Variants in L1TD1 observed in about 807,000 individuals in gnomAD.
L1TD1 encodes LINE1 type transposase domain containing 1.
A neutral mutation model predicts 25.7 loss-of-function variants in L1TD1; 26 were observed. That is an observed-to-expected ratio of 1.01 (90% confidence interval 0.74 to 1.40). L1TD1 has a LOEUF of 1.40. Among genes scored for constraint, L1TD1 ranks in the 40% most tolerant of loss-of-function variants. The pLI is 0.00. For synonymous variants in L1TD1, 421 were observed against 335.6 expected, an observed-to-expected ratio of 1.25 and a Z score of -2.78; for missense variants, 1,130 against 975.0, an observed-to-expected ratio of 1.16 and a Z score of -2.12.
Position 62,211,633 on chromosome 1 carries a change from C to G in L1TD1, c.*261C>G, listed in dbSNP as rs987703056. The G allele has an allele frequency of 2.6e-5, 9 of 351,048 alleles. No homozygotes were observed. Among genetic ancestry groups the G allele is most frequent in the Non-Finnish European group, 3.9e-5 (8 of 204,704 alleles). The allele number at this position is 351,048 out of a possible 1,614,324, so 21.7% of individuals were successfully genotyped here. On this transcript the variant is annotated 3_prime_UTR_variant, in exon 4 of 4. Coordinates refer to ENST00000498273, the MANE Select transcript of L1TD1 (RefSeq NM_019079.5). ...TAGAATTCCTTGTTTTACTTCCCCCCCACCACCTCCCTACTGCAGTTGACT... is the reference window on the plus strand; with the variant it reads ...TAGAATTCCTTGTTTTACTTCCCCCGCACCACCTCCCTACTGCAGTTGACT...
Position 62,210,978 on chromosome 1 carries a change from G to A in L1TD1, c.2204G>A (p.Gly735Asp), listed in dbSNP as rs1185845112. 6.5e-7 allele frequency: 1 copy of A among 1,546,530 alleles called. No individual in the cohort carries two copies. The highest frequency in any genetic ancestry group is 8.7e-7 in the Non-Finnish European group (1 of 1,145,818). ...GAAAACTTTGCAGAACTAAAGAAAG[G>A]TTCAAGTCTTGAGATTGTCAGTGCT... ...IDENFAELKK[G>D]SSLEIVSACR... Residue 735 changes from glycine (G) to aspartate (D), a missense_variant, in exon 4 of 4, where the codon GGT (glycine) becomes GAT (aspartate). By Grantham distance (94) the Gly-to-Asp change is moderately conservative. Transcript: ENST00000498273.
rs751577233 is a variant in L1TD1 at position 62,207,133 on chromosome 1, G to A, written c.505G>A (p.Glu169Lys). ...ACCCCAGGGTGAATCACGAAGTTAC[G>A]AAGTCATGGGAAGTATGGAAGAAAC... Reference protein sequence around the residue: ...KLPQGESRSYEVMGSMEETLC... With the variant: ...KLPQGESRSYKVMGSMEETLC... Residue 169 changes from glutamate (E) to lysine (K), a missense_variant, in exon 3 of 4, where the codon GAA becomes AAA. By Grantham distance (56) the Glu-to-Lys change is moderately conservative. Transcript: ENST00000498273. 5.1e-6 allele frequency: 8 copies of A among 1,578,780 alleles called. No individual in the cohort carries two copies. The Admixed American group carries it at 5.6e-5, about 11-fold the overall frequency.
chr1:62,210,303 C>T lies in L1TD1; in HGVS notation c.1529C>T (p.Pro510Leu), dbSNP rs1670838710. ...KKASRRQKEI[P>L]FSYLVGDSGK... ...GCCTCACGTAGACAAAAAGAAATTC[C>T]CTTTAGTTATTTGGTTGGGGACTCT... Residue 510 changes from proline (P) to leucine (L), a missense_variant, in exon 4 of 4, where the codon CCC becomes CTC. By Grantham distance (98) the Pro-to-Leu change is moderately conservative (BLOSUM62 -3). Coordinates refer to ENST00000498273, the MANE Select transcript of L1TD1 (RefSeq NM_019079.5). 2 of 1,613,928 alleles carry T rather than the reference C, an allele frequency of 1.2e-6. No homozygotes were observed. Among genetic ancestry groups the T allele is most frequent in the African/African-American group, 1.3e-5 (1 of 74,886 alleles).
intron 2 of L1TD1, among the ~76,000 whole-genome samples, 177 bp from the exon 3 acceptor site, chr1:62,206,342 A>T (rs965389112): frequency 1.4e-5 from 2 of 146,000 alleles, no homozygotes; most frequent in African/African-American, 5.1e-5. Flanking sequence ...GGGAATTTTC[A>T]TGATAATTTA....
chr1:62,200,502 T>C (rs1670621160), intron 2 of L1TD1, among the ~76,000 whole-genome samples: 1 of 152,056 alleles, frequency 6.6e-6, no homozygotes, highest in Non-Finnish European at 1.5e-5. Flanking sequence ...ATTTTATAAA[T>C]TAATGTATTT....
chr1:62,210,405 A>G lies in L1TD1; in HGVS notation c.1631A>G (p.Gln544Arg). 2 of 1,614,140 alleles carry G rather than the reference A, an allele frequency of 1.2e-6. No homozygotes were observed. The highest frequency in any genetic ancestry group is 1.7e-6 in the Non-Finnish European group (2 of 1,180,030). ...EEEETAVPTSQGTGTPCLTLC... is the reference protein window; with the variant it reads ...EEEETAVPTSRGTGTPCLTLC... ...GAGGAAACAGCTGTGCCCACAAGTC[A>G]AGGAACTGGCACACCCTGTCTGACC... The change falls in exon 4 of 4, where the codon CAA (glutamine) becomes CGA (arginine). Residue 544 changes from glutamine to arginine, a missense_variant. Gln to Arg is a conservative substitution (Grantham distance 43). Coordinates refer to ENST00000498273, the MANE Select transcript of L1TD1 (RefSeq NM_019079.5).
Position 62,202,724 on chromosome 1 carries a change from G to A in L1TD1, c.-110-3795G>A, listed in dbSNP as rs575466818. On this transcript the variant is annotated intron_variant, in intron 2 of 3. Coordinates refer to ENST00000498273, the MANE Select transcript of L1TD1 (RefSeq NM_019079.5). The stretch of plus-strand genomic sequence containing the variant: ...AGAGTCTTGCTCTTTTGCTCTTGTC[G>A]CCCAGGCTGGAGGCAATGGCACGAT... 3.3e-4 allele frequency among the ~76,000 whole-genome samples: 39 copies of A among 119,354 alleles called. No homozygotes were observed. In the East Asian group the frequency reaches 9.0e-3, roughly 28 times the overall value. 78.3% of individuals were successfully genotyped at this position (119,354 alleles called of 152,430 possible). A position where few individuals can be genotyped will look rare whatever the true frequency, so the allele number is the denominator to read the frequency against.
At chr1:62,202,561 TA>T (rs748036588) in intron 2 of L1TD1, among the ~76,000 whole-genome samples, 4,178 of 145,180 alleles carry the variant, frequency 0.029, 95 homozygotes, top group African/African-American at 0.064. Context: ...TTTTTTTTTT[TA>T]GCTGTTCATT....
rs184652731 is a variant in L1TD1 at position 62,199,595 on chromosome 1, G to A, written c.-111+3067G>A. Among the ~76,000 whole-genome samples, 24 of 152,252 alleles carry A rather than the reference G, an allele frequency of 1.6e-4. No individual in the cohort carries two copies. The East Asian group carries it at 4.4e-3, about 28-fold the overall frequency. ...TTTCAGTTTTAAGCCAGGCATGGTG[G>A]TGCGTGCTTGTATTCCCAGCTACTC... On this transcript the variant is annotated intron_variant, in intron 2 of 3. Transcript: ENST00000498273.
In L1TD1 at chr1:62,207,636, G is replaced by C; in HGVS notation, c.1008G>C (p.Arg336Ser). The C allele has an allele frequency of 1.3e-6, 2 of 1,528,220 alleles. No homozygotes were observed. Among genetic ancestry groups the C allele is most frequent in the Non-Finnish European group, 8.8e-7 (1 of 1,138,084 alleles). 94.7% of individuals were successfully genotyped at this position (1,528,220 alleles called of 1,614,324 possible). A position where few individuals can be genotyped will look rare whatever the true frequency, so the allele number is the denominator to read the frequency against. ...GAAAATATGGAATTCAAGAAAAAAGGGTAAGCATACAAATGTATAAATGTA... is the reference window on the plus strand; with the variant it reads ...GAAAATATGGAATTCAAGAAAAAAGCGTAAGCATACAAATGTATAAATGTA... ...GGRKYGIQEK[R>S]DKTLIDSKHR... is the part of the protein sequence containing the mutation. Residue 336 changes from arginine (R) to serine (S), a missense_variant and splice_region_variant, in exon 3 of 4, where the codon AGG becomes AGC. Coordinates refer to ENST00000498273, the MANE Select transcript of L1TD1 (RefSeq NM_019079.5).
chr1:62,211,037 C>CT lies in L1TD1; in HGVS notation c.2264dup (p.Thr756AspfsTer3), dbSNP rs1027240696. 1.2e-5 allele frequency: 19 copies of CT among 1,549,590 alleles called. No homozygotes were observed. Among genetic ancestry groups the CT allele is most frequent in the Non-Finnish European group, 1.6e-5 (18 of 1,146,616 alleles). ...ACCTAGTAAAATTGATGAAAAGAGACTGACTCCTAGACACATCTTGGTGAA... is the reference window on the plus strand; with the variant it reads ...ACCTAGTAAAATTGATGAAAAGAGACTTGACTCCTAGACACATCTTGGTGAA... On this transcript the variant is annotated frameshift_variant, in exon 4 of 4. Coordinates refer to ENST00000498273, the MANE Select transcript of L1TD1 (RefSeq NM_019079.5). LOFTEE classifies it low-confidence loss of function (END_TRUNC).
intron 2 of L1TD1, among the ~76,000 whole-genome samples, chr1:62,198,678 G>C (rs1166183491): frequency 6.6e-6 from 1 of 151,996 alleles, no homozygotes; most frequent in South Asian, 2.1e-4. Context: ...AAAATTAAAG[G>C]AAGTTTATCC....
At chr1:62,196,772 T>C (rs1303455049) in intron 2 of L1TD1, among the ~76,000 whole-genome samples, 1 of 152,048 alleles carries the variant, frequency 6.6e-6, no homozygotes, top group East Asian at 1.9e-4. Flanking sequence ...TTTGTATTTT[T>C]AGTAGAGACG....
intron 3 of L1TD1, among the ~76,000 whole-genome samples, chr1:62,208,812 A>G (rs1002166611): frequency 1.3e-5 from 2 of 152,152 alleles, no homozygotes; most frequent in South Asian, 2.1e-4. Context: ...ATTTTTTTAC[A>G]TGTTTTCAAA....
At position 62,210,339 on chromosome 1, in the gene L1TD1, A is replaced by T. The variant is rs1670839532; in HGVS notation, c.1565A>T (p.Lys522Met). The change falls in exon 4 of 4, where the codon AAG becomes ATG. Residue 522 changes from lysine (K) to methionine (M), a missense_variant. Coordinates refer to ENST00000498273, the MANE Select transcript of L1TD1 (RefSeq NM_019079.5). The part of the protein sequence containing the change: ...SYLVGDSGKK[K>M]LVKHQVVHKT... The stretch of plus-strand genomic sequence containing the variant: ...TTGGTTGGGGACTCTGGGAAGAAAA[A>T]GTTGGTGAAACACCAGGTGGTGCAC... 1 of 1,613,864 alleles carries T rather than the reference A, an allele frequency of 6.2e-7. No homozygotes were observed. The highest frequency in any genetic ancestry group is 8.5e-7 in the Non-Finnish European group (1 of 1,179,982).
Position 62,211,592 on chromosome 1 carries a change from C to G in L1TD1, c.*220C>G. 1 of 598,464 alleles carries G rather than the reference C, an allele frequency of 1.7e-6. No individual in the cohort carries two copies. Among genetic ancestry groups the G allele is most frequent in the Non-Finnish European group, 2.5e-6 (1 of 396,208 alleles). 37.1% of individuals were successfully genotyped at this position (598,464 alleles called of 1,614,324 possible). A position where few individuals can be genotyped will look rare whatever the true frequency, so the allele number is the denominator to read the frequency against. On this transcript the variant is annotated 3_prime_UTR_variant, in exon 4 of 4. Transcript: ENST00000498273. ...AATGTAGTGAGTTATTTCAGTTGATCACAGTCAGTTACAGATAGAATTCCT... is the reference window on the plus strand; with the variant it reads ...AATGTAGTGAGTTATTTCAGTTGATGACAGTCAGTTACAGATAGAATTCCT...
At position 62,211,027 on chromosome 1, in the gene L1TD1, TGAAAA is replaced by T. The variant is rs1454338631; in HGVS notation, c.2256_2260del (p.Lys753ThrfsTer4). On this transcript the variant is annotated frameshift_variant, in exon 4 of 4. Transcript: ENST00000498273. LOFTEE classifies it low-confidence loss of function (END_TRUNC). ...CTTGTCGAGTACCTAGTAAAATTGA[TGAAAA>T]GAGACTGACTCCTAGACACATCTTG... 1.9e-6 allele frequency: 3 copies of T among 1,547,300 alleles called. No homozygotes were observed. Among genetic ancestry groups the T allele is most frequent in the South Asian group, 2.4e-5 (2 of 82,704 alleles).
intron 2 of L1TD1, among the ~76,000 whole-genome samples, chr1:62,200,350 T>C (rs907548002): frequency 3.3e-5 from 5 of 152,148 alleles, no homozygotes; most frequent in African/African-American, 1.2e-4. Flanking sequence ...TTTGTATTTT[T>C]AGTAGAGACG....
At chr1:62,197,503 T>C (rs892703123) in intron 2 of L1TD1, among the ~76,000 whole-genome samples, 18 of 151,204 alleles carry the variant, frequency 1.2e-4, no homozygotes, top group Admixed American at 9.3e-4. Context: ...TTTTTTATTA[T>C]CTAAAAAAGT....
Sources: allele counts gnomAD v4.1 joint callset (sites outside exome capture counted in the v4.1 genomes callset), GRCh38; gene constraint gnomAD v4.1.1; transcripts MANE v1.5; gene names NCBI Gene and HGNC (gene_info 2026-07-23, HGNC 2026-07-21).